Variants in RBMS3 observed in about 807,000 individuals in gnomAD.
RBMS3 encodes the protein RNA-binding motif, single-stranded-interacting protein 3.
RBMS3 carries 27 observed loss-of-function variants against 66.8 expected under a neutral mutation model. That is an observed-to-expected ratio of 0.40 (90% confidence interval 0.30 to 0.56). The LOEUF (loss-of-function observed/expected upper bound fraction) is 0.56, where lower values mean the gene tolerates loss of function less well. RBMS3 is among the 20% of genes least tolerant of loss of function. The pLI, the probability that RBMS3 is intolerant of heterozygous loss-of-function variation, is 0.40. For missense variants in RBMS3, 513 were observed against 549.5 expected, an observed-to-expected ratio of 0.93 and a Z score of 0.66; for synonymous variants, 188 against 183.0, an observed-to-expected ratio of 1.03 and a Z score of -0.22.
intron 8 of RBMS3, 46 bp from the exon 9 acceptor site, chr3:29,897,333 G>C: frequency 6.5e-7 from 1 of 1,531,470 alleles, no homozygotes; most frequent in South Asian, 1.1e-5. Context: ...TAGAGGCCAG[G>C]CATGTAGCAG....
At chr3:29,581,107 T>C (rs963943228) in intron 3 of RBMS3, among the ~76,000 whole-genome samples, 1 of 152,196 alleles carries the variant, frequency 6.6e-6, no homozygotes, top group African/African-American at 2.4e-5. Context: ...ATCTTTTGCC[T>C]TTATTTTTTC....
chr3:29,418,382 C>T (rs35060383), intron 1 of RBMS3, among the ~76,000 whole-genome samples: 26,918 of 152,140 alleles, frequency 0.18, 2,837 homozygotes, highest in Non-Finnish European at 0.24. Flanking sequence ...AAATTGCTAA[C>T]ATATGACACT....
intron 3 of RBMS3, among the ~76,000 whole-genome samples, chr3:29,537,867 TACCATG>T (rs2045631141): frequency 2.0e-5 from 3 of 150,736 alleles, no homozygotes; most frequent in Admixed American, 1.3e-4. Context: ...TTTGCCCCGA[TACCATG>T]ACTTTGAATC....
In RBMS3 at chr3:29,992,497, G is replaced by A. The variant is rs184108742; in HGVS notation, c.1307+1288G>A. Among the ~76,000 whole-genome samples the A allele has an allele frequency of 9.7e-4, 148 of 152,262 alleles. 1 individual carries two copies. The highest frequency in any genetic ancestry group is 3.2e-3 in the African/African-American group (131 of 41,552). ...ACCTACTCTGGGGTCGGGGTGGGGG[G>A]CTGAGGCAGGAGAATGGCGTGAACC... is the stretch of plus-strand genomic sequence containing the variant. On this transcript the variant is annotated intron_variant, in intron 14 of 14. Transcript: ENST00000383767.
intron 3 of RBMS3, among the ~76,000 whole-genome samples, chr3:29,580,748 A>G (rs2047301300): frequency 6.6e-6 from 1 of 151,626 alleles, no homozygotes; most frequent in South Asian, 2.1e-4. Flanking sequence ...TGTCACTAAT[A>G]ATAGGCAAAT....
chr3:29,621,683 G>A (rs1464717002), intron 4 of RBMS3, among the ~76,000 whole-genome samples: 1 of 151,982 alleles, frequency 6.6e-6, no homozygotes, highest in Non-Finnish European at 1.5e-5. Flanking sequence ...CAAATATTTG[G>A]TTTGGTTAAG....
chr3:29,646,808 T>C (rs1274404935), intron 4 of RBMS3, among the ~76,000 whole-genome samples: 1 of 152,150 alleles, frequency 6.6e-6, no homozygotes. Flanking sequence ...TTAAAATCTT[T>C]TAAAGTAGAT....
chr3:29,792,155 G>T (rs75643502), intron 6 of RBMS3, among the ~76,000 whole-genome samples: 2,864 of 152,116 alleles, frequency 0.019, 92 homozygotes, highest in African/African-American at 0.064. Context: ...ATTTCTTTTT[G>T]TGTTTCTGAT....
At chr3:29,805,238 G>A (rs1023038672) in intron 6 of RBMS3, among the ~76,000 whole-genome samples, 14 of 151,910 alleles carry the variant, frequency 9.2e-5, no homozygotes, top group African/African-American at 3.4e-4. Flanking sequence ...ACATGTTATT[G>A]GTGATGCTGG....
intron 1 of RBMS3, among the ~76,000 whole-genome samples, chr3:29,283,169 G>T (rs2031964674): frequency 6.6e-6 from 1 of 152,074 alleles, no homozygotes; most frequent in Non-Finnish European, 1.5e-5. Flanking sequence ...CATTTCTCAT[G>T]CCTCAACAAA....
chr3:29,892,825 A>G (rs1032211990), intron 8 of RBMS3, among the ~76,000 whole-genome samples: 2 of 134,912 alleles, frequency 1.5e-5, no homozygotes, highest in African/African-American at 5.9e-5. Flanking sequence ...GTATGTATGT[A>G]TGTATGTATG....
intron 4 of RBMS3, among the ~76,000 whole-genome samples, chr3:29,638,681 T>C (rs1225636002): frequency 6.6e-6 from 1 of 151,860 alleles, no homozygotes; most frequent in Non-Finnish European, 1.5e-5. Context: ...GTGAATGTTT[T>C]GTAAAGCATT....
intron 3 of RBMS3, among the ~76,000 whole-genome samples, chr3:29,563,866 A>T (rs960303342): frequency 2.0e-5 from 3 of 151,958 alleles, no homozygotes; most frequent in African/African-American, 7.3e-5. Context: ...CTCTACAAAA[A>T]ATTAGCCAGG....
intron 2 of RBMS3, among the ~76,000 whole-genome samples, chr3:29,453,920 G>A (rs901445679): frequency 3.9e-5 from 6 of 152,144 alleles, no homozygotes; most frequent in African/African-American, 1.4e-4. Flanking sequence ...AAACTTGTCA[G>A]AGGAAATGAA....
At chr3:29,916,280 T>C (rs2060636787) in intron 10 of RBMS3, among the ~76,000 whole-genome samples, 1 of 151,994 alleles carries the variant, frequency 6.6e-6, no homozygotes, top group African/African-American at 2.4e-5. Context: ...ACAGATTCAA[T>C]TTATTAGACA....
chr3:29,839,575 G>GA lies in RBMS3; in HGVS notation c.638-29276dup, dbSNP rs1353700326. Among the ~76,000 whole-genome samples the GA allele has an allele frequency of 2.7e-5, 4 of 150,442 alleles. No homozygotes were observed. The East Asian group carries it at 7.8e-4, about 29-fold the overall frequency. On this transcript the variant is annotated intron_variant, in intron 6 of 14. Transcript: ENST00000383767. ...GAATTTGATTATCAATAGTCCTCAGGAAAAAAAGAGAAAATAATAATAAAA... is the reference window on the plus strand; with the variant it reads ...GAATTTGATTATCAATAGTCCTCAGGAAAAAAAAGAGAAAATAATAATAAAA...
At chr3:29,879,484 G>A (rs2149571110) in intron 7 of RBMS3, among the ~76,000 whole-genome samples, 1 of 152,178 alleles carries the variant, frequency 6.6e-6, no homozygotes, top group South Asian at 2.1e-4. Flanking sequence ...ATATTTGTGT[G>A]TATTAGCTTC....
chr3:29,671,437 A>G (rs953826284), intron 4 of RBMS3, among the ~76,000 whole-genome samples: 3 of 152,234 alleles, frequency 2.0e-5, no homozygotes, highest in African/African-American at 7.2e-5. Flanking sequence ...TGACTTTGAC[A>G]AGTTGACAAA....
intron 4 of RBMS3, among the ~76,000 whole-genome samples, chr3:29,598,608 TATC>T: frequency 6.6e-6 from 1 of 152,164 alleles, no homozygotes; most frequent in East Asian, 1.9e-4. Context: ...ATATCAACCA[TATC>T]ATATTGTCAA....
Sources: allele counts gnomAD v4.1 joint callset (sites outside exome capture counted in the v4.1 genomes callset), GRCh38; gene constraint gnomAD v4.1.1; transcripts MANE v1.5; gene names NCBI Gene and HGNC (gene_info 2026-07-23, HGNC 2026-07-21).